The following M1AP variants were observed in gnomAD, a reference collection of about 807,000 sequenced individuals.
M1AP encodes the protein meiosis 1 arrest protein.
Under a neutral mutation model 51.2 loss-of-function variants are expected in M1AP, and 39 were observed. The observed-to-expected ratio is 0.76, with a 90% confidence interval of 0.59 to 1.00. The LOEUF is 1.00. M1AP is among the 50% of genes least tolerant of loss of function. The pLI, the probability that M1AP is intolerant of heterozygous loss-of-function variation, is 0.00. For synonymous variants in M1AP, 251 were observed against 249.2 expected (o/e 1.01, Z -0.07); for missense variants, 545 against 641.2 (o/e 0.85, Z 1.62).
At chr2:74,626,266 T>G (rs1682386985) in intron 2 of M1AP, among the ~76,000 whole-genome samples, 1 of 150,872 alleles carries the variant, frequency 6.6e-6, no homozygotes, top group Non-Finnish European at 1.5e-5. Flanking sequence ...AGTTTTTTTT[T>G]TTTTTTTTTT....
intron 2 of M1AP, among the ~76,000 whole-genome samples, chr2:74,621,151 G>C (rs927460091): frequency 1.3e-5 from 2 of 151,702 alleles, no homozygotes; most frequent in East Asian, 3.9e-4. Flanking sequence ...GCGTAGTGGC[G>C]GGCGCCTGTA....
intron 4 of M1AP, among the ~76,000 whole-genome samples, chr2:74,587,154 C>A (rs1041364771): frequency 6.6e-5 from 10 of 151,978 alleles, no homozygotes; most frequent in African/African-American, 2.2e-4. Flanking sequence ...TTTCTCTCAT[C>A]CACAAAATGA....
chr2:74,567,181 GT>G (rs1678447987), intron 7 of M1AP, among the ~76,000 whole-genome samples: 2 of 152,126 alleles, frequency 1.3e-5, no homozygotes, highest in African/African-American at 4.8e-5. Flanking sequence ...AGCTATGCCA[GT>G]TTAGAAAAAT....
chr2:74,579,375 C>A (rs1221881533), intron 5 of M1AP, among the ~76,000 whole-genome samples: 2 of 152,164 alleles, frequency 1.3e-5, no homozygotes, highest in Non-Finnish European at 2.9e-5. Context: ...GATAAAGGCC[C>A]AGGTTCTGGA....
At chr2:74,628,020 C>G (rs959004306) in intron 2 of M1AP, among the ~76,000 whole-genome samples, 3 of 152,082 alleles carry the variant, frequency 2.0e-5, no homozygotes, top group Admixed American at 6.6e-5. Context: ...TATAAATAAA[C>G]TCTTTCATTA....
chr2:74,576,930 A>ATGTATCCTAG, intron 5 of M1AP: 1 of 1,108,942 alleles, frequency 9.0e-7, no homozygotes, highest in South Asian at 2.7e-5. Context: ...ATAGTGAGAC[A>ATGTATCCTAG]TCTGGCTTGT....
intron 2 of M1AP, among the ~76,000 whole-genome samples, chr2:74,628,092 C>A (rs1334339203): frequency 6.6e-6 from 1 of 152,166 alleles, no homozygotes; most frequent in Non-Finnish European, 1.5e-5. Context: ...ACATACACTA[C>A]AGAACAAATC....
At position 74,581,711 on chromosome 2, in the gene M1AP, C is replaced by T; in HGVS notation, c.732G>A (p.Gln244=). Residue 244 remains glutamine, a synonymous_variant, in exon 5 of 11, where the codon CAG becomes CAA. Coordinates refer to ENST00000421985, the MANE Select transcript of M1AP (RefSeq NM_001321739.2). ...TGGGTCTGGAAATGTTGCTGAAACA[C>T]TGTGAAGAAAGAAGAAGATGGATTT... ...QEQIHLLLSS[Q]CFSNISRPRD... is the part of the protein sequence containing the mutation. 6.2e-7 allele frequency: 1 copy of T among 1,614,032 alleles called. No individual in the cohort carries two copies. The highest frequency in any genetic ancestry group is 1.1e-5 in the South Asian group (1 of 91,074).
Position 74,607,190 on chromosome 2 carries a change from CCT to C in M1AP, c.458_459del (p.Glu153GlyfsTer24). 1 of 1,614,116 alleles carries C rather than the reference CCT, an allele frequency of 6.2e-7. No individual in the cohort carries two copies. Among genetic ancestry groups the C allele is most frequent in the African/African-American group, 1.3e-5 (1 of 75,054 alleles). On this transcript the variant is annotated frameshift_variant, in exon 4 of 11. Coordinates refer to ENST00000421985, the MANE Select transcript of M1AP (RefSeq NM_001321739.2). LOFTEE classifies it high-confidence loss of function. ...AACCCTTCCTCCAACTGTTTGACCA[CCT>C]CTTTTCCAGGCTGAGAAGTCAGAAT... ...ITILTSQPGK[E>X]VVKQLEEGLK...
At chr2:74,559,249 C>T (rs1677740981) in intron 10 of M1AP, among the ~76,000 whole-genome samples, 1 of 152,034 alleles carries the variant, frequency 6.6e-6, no homozygotes, top group Non-Finnish European at 1.5e-5. Context: ...GCCTTGACCT[C>T]CTGGGCTCAA....
At chr2:74,640,536 C>T (rs1244751843) in intron 1 of M1AP, among the ~76,000 whole-genome samples, 1 of 150,872 alleles carries the variant, frequency 6.6e-6, no homozygotes, top group Non-Finnish European at 1.5e-5. Flanking sequence ...TCTTGGCTCA[C>T]TGCAACCTCT....
intron 9 of M1AP, 125 bp downstream of exon 9, chr2:74,560,026 C>T (rs1677797285): frequency 9.1e-7 from 1 of 1,104,466 alleles, no homozygotes; most frequent in African/African-American, 1.6e-5. Flanking sequence ...GGGGTGGATC[C>T]TGGAGGAAGG....
At chr2:74,589,423 C>A (rs1419629662) in intron 4 of M1AP, among the ~76,000 whole-genome samples, 1 of 152,214 alleles carries the variant, frequency 6.6e-6, no homozygotes, top group Admixed American at 6.5e-5. Context: ...TGGTATTGCT[C>A]AGGAACTGTG....
intron 2 of M1AP, among the ~76,000 whole-genome samples, chr2:74,617,827 C>T (rs1681761429): frequency 6.6e-6 from 1 of 152,184 alleles, no homozygotes; most frequent in Non-Finnish European, 1.5e-5. Flanking sequence ...AATAAATATA[C>T]AAATCCTTGA....
chr2:74,616,599 AT>A (rs1358200956), intron 2 of M1AP, among the ~76,000 whole-genome samples: 1 of 152,158 alleles, frequency 6.6e-6, no homozygotes, highest in Non-Finnish European at 1.5e-5. Flanking sequence ...TGATCATCCC[AT>A]CATACTTCTC....
intron 4 of M1AP, among the ~76,000 whole-genome samples, chr2:74,600,608 T>C (rs1680619952): frequency 6.6e-6 from 1 of 152,152 alleles, no homozygotes; most frequent in Admixed American, 6.5e-5. Context: ...CTGTGAGAGG[T>C]ATGTATCTTC....
intron 4 of M1AP, among the ~76,000 whole-genome samples, chr2:74,592,157 G>A (rs540735012): frequency 1.3e-5 from 2 of 151,930 alleles, no homozygotes; most frequent in African/African-American, 2.4e-5. Flanking sequence ...CTTTGCAACC[G>A]ACTCTGTGTA....
At chr2:74,600,973 T>C (rs981108712) in intron 4 of M1AP, among the ~76,000 whole-genome samples, 1 of 152,130 alleles carries the variant, frequency 6.6e-6, no homozygotes. Flanking sequence ...ACTATTAATA[T>C]CAGTAGATGA....
chr2:74,592,685 T>C (rs573804965), intron 4 of M1AP, among the ~76,000 whole-genome samples: 81 of 152,354 alleles, frequency 5.3e-4, no homozygotes, highest in African/African-American at 1.8e-3. Flanking sequence ...TCTTTCTTTA[T>C]TGTACCTGGA....
Sources: allele counts gnomAD v4.1 joint callset (sites outside exome capture counted in the v4.1 genomes callset), GRCh38; gene constraint gnomAD v4.1.1; transcripts MANE v1.5; gene names NCBI Gene and HGNC (gene_info 2026-07-23, HGNC 2026-07-21).